Variants in ZNF423 observed in about 807,000 individuals in gnomAD.
ZNF423 encodes the protein Ebf-associated zinc finger protein.
Under a neutral mutation model 95.8 loss-of-function variants are expected in ZNF423, and 12 were observed. That is an observed-to-expected ratio of 0.13 (90% CI 0.08 to 0.20). The LOEUF (loss-of-function observed/expected upper bound fraction) is 0.20, where lower values mean the gene tolerates loss of function less well. ZNF423 is among the 10% of genes least tolerant of loss of function. The pLI is 1.00. For synonymous variants in ZNF423, 749 were observed against 711.9 expected, an observed-to-expected ratio of 1.05 and a Z score of -0.83; for missense variants, 1,316 against 1,737.1, an observed-to-expected ratio of 0.76 and a Z score of 4.31.
At chr16:49,656,913 G>A (rs2029902104) in intron 3 of ZNF423, among the ~76,000 whole-genome samples, 1 of 152,214 alleles carries the variant, frequency 6.6e-6, no homozygotes, top group Non-Finnish European at 1.5e-5. Context: ...GACAGGCTCA[G>A]GGCCTTACAG....
chr16:49,796,131 T>C (rs2034495443), intron 1 of ZNF423, among the ~76,000 whole-genome samples: 1 of 152,130 alleles, frequency 6.6e-6, no homozygotes. Flanking sequence ...GATTGACGAA[T>C]GGGAGTATAG....
At chr16:49,734,352 C>T (rs1183461942) in intron 2 of ZNF423, among the ~76,000 whole-genome samples, 1 of 152,252 alleles carries the variant, frequency 6.6e-6, no homozygotes, top group Admixed American at 6.5e-5. Context: ...AGAGGCCCAG[C>T]ACCTGGCCCT....
upstream of ZNF423, chr16:49,856,176 G>T (rs1332698321): frequency 1.9e-5 from 1 of 52,814 alleles, no homozygotes; most frequent in Non-Finnish European, 3.7e-5. Context: ...CCCCCCGCCG[G>T]CCCCCGGCCC....
rs115315729 is a variant in ZNF423, at chr16:49,582,073, A to C, written c.3601+44097T>G. On this transcript the variant is annotated intron_variant, in intron 5 of 7. Coordinates refer to ENST00000563137, the MANE Select transcript of ZNF423 (RefSeq NM_001379286.1). ...CTCTGTCTGCACACCCATGCAACTC[A>C]CCACGCTCACATAGTCTCCTGAGCC... 7.8e-3 allele frequency among the ~76,000 whole-genome samples: 1,188 copies of C among 152,298 alleles called. 22 individuals carry two copies. Among genetic ancestry groups the C allele is most frequent in the African/African-American group, 0.026 (1,100 of 41,550 alleles).
chr16:49,857,301 C>G (rs1315029700), upstream of ZNF423, among the ~76,000 whole-genome samples: 1 of 107,088 alleles, frequency 9.3e-6, no homozygotes, highest in Non-Finnish European at 1.8e-5. The surrounding 1 kb of genome is among the most constrained non-coding windows in gnomAD (Gnocchi z 6.2). Context: ...AAACCCGGAC[C>G]GTGGTGGCGG....
intron 3 of ZNF423, among the ~76,000 whole-genome samples, chr16:49,728,110 C>T (rs1567314664): frequency 1.3e-5 from 2 of 152,188 alleles, no homozygotes; most frequent in African/African-American, 4.8e-5. Context: ...AAACACACCA[C>T]ACCATAGCCC....
chr16:49,697,606 G>A (rs2032021607), intron 3 of ZNF423, among the ~76,000 whole-genome samples: 1 of 152,154 alleles, frequency 6.6e-6, no homozygotes, highest in Non-Finnish European at 1.5e-5. Context: ...TTTTTGGAGT[G>A]TTTTATTTGC....
At chr16:49,848,649 C>G (rs1354775920) in intron 1 of ZNF423, among the ~76,000 whole-genome samples, 1 of 152,212 alleles carries the variant, frequency 6.6e-6, no homozygotes, top group Non-Finnish European at 1.5e-5. Context: ...CAGAAGATGA[C>G]ATGAACATCT....
chr16:49,830,443 C>T (rs1049034859), intron 1 of ZNF423, among the ~76,000 whole-genome samples: 5 of 152,234 alleles, frequency 3.3e-5, no homozygotes, highest in African/African-American at 1.2e-4. Flanking sequence ...TTCTTGCTGG[C>T]CTAATTCAAA....
chr16:49,676,289 G>A (rs534415051), intron 3 of ZNF423, among the ~76,000 whole-genome samples: 50 of 152,300 alleles, frequency 3.3e-4, no homozygotes, highest in African/African-American at 1.2e-3. Flanking sequence ...CACGCACACG[G>A]GCATGTGGCT....
chr16:49,700,195 C>CAAAAAAAAAAAA (rs3084468), intron 3 of ZNF423, among the ~76,000 whole-genome samples: 1 of 96,584 alleles, frequency 1.0e-5, no homozygotes, highest in African/African-American at 4.1e-5. Context: ...CCCAGGATTT[C>CAAAAAAAAAAAA]AAAAAAAAAA....
chr16:49,625,112 C>T lies in ZNF423; in HGVS notation c.3601+1058G>A, dbSNP rs143974831. Among the ~76,000 whole-genome samples, 155 of 152,356 alleles carry T rather than the reference C, an allele frequency of 1.0e-3. 3 individuals are homozygous for T. In the East Asian group the frequency reaches 0.027, roughly 27 times the overall value. ...AAGTAGTTCAGGCCAGGCGTGGTGG[C>T]TCACGCCTATAATCCCAGCACTTTG... On this transcript the variant is annotated intron_variant, in intron 5 of 7. Coordinates refer to ENST00000563137, the MANE Select transcript of ZNF423 (RefSeq NM_001379286.1).
chr16:49,491,542 CTTTTTTTTTT>C (rs35641691), intron 7 of ZNF423, among the ~76,000 whole-genome samples: 11 of 111,242 alleles, frequency 9.9e-5, no homozygotes, highest in Non-Finnish European at 1.9e-4. Flanking sequence ...TGTTTTTTGG[CTTTTTTTTTT>C]TTTTTTTTTT....
intron 2 of ZNF423, among the ~76,000 whole-genome samples, chr16:49,768,003 T>G (rs567460824): frequency 3.3e-5 from 5 of 152,378 alleles, no homozygotes; most frequent in Non-Finnish European, 7.3e-5. Flanking sequence ...GAAGGCATCT[T>G]ATTAGAAAAG....
intron 7 of ZNF423, among the ~76,000 whole-genome samples, chr16:49,509,458 C>G (rs550422771): frequency 7.2e-5 from 11 of 152,346 alleles, no homozygotes; most frequent in African/African-American, 2.4e-4. Context: ...CTCCTCTTCC[C>G]CATGCCCGGC....
intron 1 of ZNF423, among the ~76,000 whole-genome samples, chr16:49,807,163 G>A (rs1015375922): frequency 6.6e-6 from 1 of 152,014 alleles, no homozygotes; most frequent in African/African-American, 2.4e-5. Flanking sequence ...CGGGGGCGGT[G>A]GCTCACGCCT....
chr16:49,502,790 GACACACACACACAC>G (rs72202996), intron 7 of ZNF423, among the ~76,000 whole-genome samples: 1 of 135,236 alleles, frequency 7.4e-6, no homozygotes, highest in Non-Finnish European at 1.5e-5. Flanking sequence ...AAATACTCTA[GACACACACACACAC>G]ACACACACAC....
chr16:49,832,900 C>T (rs921731156), intron 1 of ZNF423, among the ~76,000 whole-genome samples: 3 of 152,220 alleles, frequency 2.0e-5, no homozygotes, highest in Non-Finnish European at 4.4e-5. Context: ...GAAGCAAGAA[C>T]TCCGATTTTT....
At chr16:49,646,192 T>C (rs937261866) in intron 3 of ZNF423, among the ~76,000 whole-genome samples, 1 of 152,148 alleles carries the variant, frequency 6.6e-6, no homozygotes, top group Non-Finnish European at 1.5e-5. Context: ...CCTGGGGTAA[T>C]AAGAGCTGCA....
Sources: gnomAD v4.1 joint callset for allele counts (sites outside exome capture counted in the v4.1 genomes callset) on GRCh38, gnomAD v4.1.1 for gene constraint, Gnocchi (gnomAD v3.1) non-coding constraint, MANE v1.5 for transcripts, NCBI Gene and HGNC (gene_info 2026-07-23, HGNC 2026-07-21) for gene names.